Variants in DNAH6 observed in about 807,000 individuals in gnomAD.
The protein encoded by DNAH6 is axonemal beta dynein heavy chain 6.
A neutral mutation model predicts 491.4 loss-of-function variants in DNAH6; 340 were observed. The observed-to-expected ratio is 0.69, with a 90% CI of 0.63 to 0.76. The LOEUF is 0.76. Ranked by LOEUF, DNAH6 falls within the 30% of genes least tolerant of loss-of-function variation. DNAH6 has a pLI of 0.00. For synonymous variants in DNAH6, 1,603 were observed against 1,686.1 expected (o/e 0.95, Z 1.21); for missense variants, 4,443 against 4,972.2 (o/e 0.89, Z 3.20).
intron 4 of DNAH6, among the ~76,000 whole-genome samples, chr2:84,541,145 G>T (rs138967873): frequency 6.6e-6 from 1 of 152,122 alleles, no homozygotes; most frequent in Non-Finnish European, 1.5e-5. Context: ...AAGAAATGCC[G>T]AGGGAGCAGT....
the DNAH6 span, among the ~76,000 whole-genome samples, chr2:84,476,588 C>G: frequency 6.6e-6 from 1 of 152,170 alleles, no homozygotes; most frequent in Non-Finnish European, 1.5e-5. Flanking sequence ...TCTTCTTCAT[C>G]TGAATCTGCC....
intron 68 of DNAH6, among the ~76,000 whole-genome samples, chr2:84,792,455 G>A: frequency 6.6e-6 from 1 of 152,198 alleles, no homozygotes; most frequent in East Asian, 1.9e-4. Context: ...CATATGGATT[G>A]TGGAGATAGC....
chr2:84,805,722 A>G lies in DNAH6; in HGVS notation c.11539A>G (p.Thr3847Ala), dbSNP rs751906671. ...TILEVQPRSSTGGEGKSNDEI... is the reference protein window; with the variant it reads ...TILEVQPRSSAGGEGKSNDEI... ...ACTTGAGGTTCAGCCAAGGTCATCT[A>G]CTGGTGGAGAGGGAAAAAGCAATGA... The change falls in exon 71 of 77, where the codon ACT becomes GCT. Residue 3847 changes from threonine to alanine, a missense_variant. Coordinates refer to ENST00000389394, the MANE Select transcript of DNAH6 (RefSeq NM_001370.2). 1.5e-5 allele frequency: 23 copies of G among 1,551,618 alleles called. No individual in the cohort carries two copies. In the South Asian group the frequency reaches 2.4e-4, roughly 16 times the overall value.
At chr2:84,725,729 A>C (rs1355218139) in intron 60 of DNAH6, among the ~76,000 whole-genome samples, 1 of 152,182 alleles carries the variant, frequency 6.6e-6, no homozygotes, top group Admixed American at 6.5e-5. Flanking sequence ...GAAATCCAAA[A>C]CATATTTGTA....
At chr2:84,619,942 T>C in intron 24 of DNAH6, 38 bp downstream of exon 24, 1 of 1,487,234 alleles carries the variant, frequency 6.7e-7, no homozygotes, top group East Asian at 2.5e-5. Context: ...ATTGATGAAC[T>C]TTGCTACTCC....
intron 11 of DNAH6, among the ~76,000 whole-genome samples, chr2:84,571,032 C>A (rs1016792222): frequency 6.6e-6 from 1 of 152,134 alleles, no homozygotes; most frequent in African/African-American, 2.4e-5. Context: ...ACCGAGAATC[C>A]ACCGGAAGGA....
chr2:84,653,973 T>G (rs1224108055), intron 34 of DNAH6, 99 bp downstream of exon 34: 3 of 927,924 alleles, frequency 3.2e-6, no homozygotes, highest in Admixed American at 5.8e-5. Context: ...CTATCTATAA[T>G]GTCTATTATT....
intron 39 of DNAH6, among the ~76,000 whole-genome samples, chr2:84,671,128 GAGA>G (rs995653600): frequency 6.6e-6 from 1 of 152,122 alleles, no homozygotes; most frequent in Non-Finnish European, 1.5e-5. Context: ...GGAATGGGAG[GAGA>G]AGAAGGAAAG....
rs569500461 is a variant in DNAH6, at chr2:84,604,361, G to A, written c.2891G>A (p.Arg964Lys). The A allele has an allele frequency of 2.6e-6, 4 of 1,552,120 alleles. No homozygotes were observed. In the Admixed American group the frequency reaches 7.8e-5, roughly 30 times the overall value. ...KEKLPVIIDL[R>K]NPTLKARHWA... is the part of the protein sequence containing the mutation. ...CAGCTTCCAGTTATCATTGACTTGA[G>A]GAACCCGACTTTGAAGGCAAGACAT... Residue 964 changes from arginine (R) to lysine (K), a missense_variant, in exon 19 of 77, where the codon AGG becomes AAG. Physicochemically the swap from Arg to Lys is conservative, Grantham distance 26 (BLOSUM62 2). Transcript: ENST00000389394.
At chr2:84,700,606 C>G (rs1695809558) in intron 48 of DNAH6, among the ~76,000 whole-genome samples, 1 of 152,170 alleles carries the variant, frequency 6.6e-6, no homozygotes, top group African/African-American at 2.4e-5. Flanking sequence ...TAATTGGCAG[C>G]CATGCTCAGC....
intron 30 of DNAH6, among the ~76,000 whole-genome samples, chr2:84,635,256 G>A (rs932763411): frequency 1.3e-5 from 2 of 152,182 alleles, no homozygotes; most frequent in Admixed American, 6.5e-5. Flanking sequence ...AAGAAATCAT[G>A]ACTTGGACTA....
intron 69 of DNAH6, among the ~76,000 whole-genome samples, chr2:84,797,229 A>G (rs909497342): frequency 2.0e-5 from 3 of 152,206 alleles, no homozygotes; most frequent in African/African-American, 7.2e-5. Context: ...TACACCTTTC[A>G]ACATAAATTT....
chr2:84,535,376 G>A (rs1315842037), intron 4 of DNAH6, among the ~76,000 whole-genome samples: 1 of 151,884 alleles, frequency 6.6e-6, no homozygotes, highest in Non-Finnish European at 1.5e-5. Flanking sequence ...TAATAGACCT[G>A]TCCTTTTGCC....
intron 2 of DNAH6, among the ~76,000 whole-genome samples, chr2:84,523,396 C>A (rs570288398): frequency 4.0e-5 from 6 of 151,874 alleles, no homozygotes; most frequent in Non-Finnish European, 7.4e-5. Flanking sequence ...TTAATGTCTT[C>A]AAAAAACCAA....
chr2:84,703,307 A>C, intron 49 of DNAH6, 88 bp from the exon 50 acceptor site: 1 of 937,128 alleles, frequency 1.1e-6, no homozygotes, highest in Non-Finnish European at 1.5e-6. Flanking sequence ...TAGACGTAAA[A>C]GTCTAATACA....
chr2:84,679,539 TG>T (rs1224947617), intron 41 of DNAH6, among the ~76,000 whole-genome samples: 1 of 152,198 alleles, frequency 6.6e-6, no homozygotes, highest in Non-Finnish European at 1.5e-5. Flanking sequence ...CATAAACTAG[TG>T]ATAATGTGCT....
chr2:84,462,047 A>G, the DNAH6 span, among the ~76,000 whole-genome samples: 6 of 152,242 alleles, frequency 3.9e-5, no homozygotes, highest in Non-Finnish European at 7.3e-5. Context: ...GCCTGAGGCA[A>G]ACCTACCTCC....
Position 84,669,425 on chromosome 2 carries a change from A to G in DNAH6, c.6221A>G (p.Asp2074Gly). The change falls in exon 38 of 77, where the codon GAC becomes GGC. Residue 2074 changes from aspartate (D) to glycine (G), a missense_variant. Transcript: ENST00000389394. ...PFFEMLVPTTDTVRYGYLMEK... is the reference protein window; with the variant it reads ...PFFEMLVPTTGTVRYGYLMEK... ...TTTGAAATGCTTGTCCCCACAACTGACACAGTGCGCTATGGGTATCTAATG... is the reference window on the plus strand; with the variant it reads ...TTTGAAATGCTTGTCCCCACAACTGGCACAGTGCGCTATGGGTATCTAATG... 1 of 1,552,090 alleles carries G rather than the reference A, an allele frequency of 6.4e-7. No homozygotes were observed. Among genetic ancestry groups the G allele is most frequent in the Non-Finnish European group, 8.7e-7 (1 of 1,147,056 alleles).
Position 84,755,711 on chromosome 2 carries a change from C to A in DNAH6, c.10513-7044C>A, listed in dbSNP as rs547564702. Among the ~76,000 whole-genome samples the A allele has an allele frequency of 5.3e-5, 8 of 152,238 alleles. No homozygotes were observed. In the East Asian group the frequency reaches 1.5e-3, roughly 29 times the overall value. On this transcript the variant is annotated intron_variant, in intron 63 of 76. Coordinates refer to ENST00000389394, the MANE Select transcript of DNAH6 (RefSeq NM_001370.2). ...TAGATGTTATAAGAGCAGATCCTTG[C>A]CTTGTTCCTGATCTTAGAAGAAAAG...
Sources: gnomAD v4.1 joint callset for allele counts (sites outside exome capture counted in the v4.1 genomes callset) on GRCh38, gnomAD v4.1.1 for gene constraint, MANE v1.5 for transcripts, NCBI Gene and HGNC (gene_info 2026-07-23, HGNC 2026-07-21) for gene names.